COPZ2: variants seen among roughly 807,000 people sequenced by gnomAD.
COPZ2 encodes the protein coatomer subunit zeta-2.
In COPZ2, 30 loss-of-function variants were observed where a neutral mutation model predicts 33.2. The observed-to-expected ratio is 0.90, with a 90% CI of 0.68 to 1.23. The LOEUF is 1.23. Ranked by LOEUF, COPZ2 falls within the 50% of genes most tolerant of loss-of-function variation. The probability of loss-of-function intolerance (pLI) is 0.00; values close to 1 mark genes in which losing one functional copy is unlikely to be tolerated. For missense variants in COPZ2, 263 were observed against 262.4 expected, an observed-to-expected ratio of 1.00 and a Z score of -0.02; for synonymous variants, 89 against 102.6, an observed-to-expected ratio of 0.87 and a Z score of 0.80.
chr17:48,043,104 A>G, the COPZ2 span, among the ~76,000 whole-genome samples: 1 of 152,218 alleles, frequency 6.6e-6, no homozygotes, highest in Non-Finnish European at 1.5e-5. Context: ...CAGCTCGAGG[A>G]AGCCAAGTTG....
intron 8 of COPZ2, among the ~76,000 whole-genome samples, chr17:48,026,985 T>G (rs1408628553): frequency 6.6e-6 from 1 of 152,244 alleles, no homozygotes; most frequent in Non-Finnish European, 1.5e-5. Context: ...AGCCCAGTGC[T>G]TACACAAATC....
chr17:48,045,358 T>G, the COPZ2 span: 1 of 152,124 alleles, frequency 6.6e-6, no homozygotes, highest in Non-Finnish European at 1.5e-5. Context: ...CCAGAAGAAA[T>G]CAGAGCCCCA....
chr17:48,030,164 A>G (rs1174777709), intron 6 of COPZ2, among the ~76,000 whole-genome samples: 1 of 147,446 alleles, frequency 6.8e-6, no homozygotes, highest in Non-Finnish European at 1.5e-5. Context: ...GCGCACGCCT[A>G]TAATCCCAGC....
the COPZ2 span, chr17:48,046,913 G>A: frequency 6.6e-6 from 1 of 152,146 alleles, no homozygotes; most frequent in African/African-American, 2.4e-5. Context: ...TGGGAGACAC[G>A]CGTCAGTAGT....
chr17:48,046,372 C>T, the COPZ2 span: 3 of 152,254 alleles, frequency 2.0e-5, no homozygotes, highest in Non-Finnish European at 1.5e-5. Context: ...CATCATAGCT[C>T]ACTGCAGCCT....
intron 8 of COPZ2, among the ~76,000 whole-genome samples, chr17:48,027,992 G>A (rs2036840504): frequency 6.6e-6 from 1 of 152,200 alleles, no homozygotes; most frequent in African/African-American, 2.4e-5. Context: ...AGTGATGAGT[G>A]GGGAAAGTCA....
chr17:48,027,226 T>C (rs762367169), intron 8 of COPZ2, among the ~76,000 whole-genome samples: 7 of 152,242 alleles, frequency 4.6e-5, no homozygotes, highest in Non-Finnish European at 7.3e-5. Flanking sequence ...TTATCCCCCA[T>C]TGGCTACCTG....
Position 48,032,154 on chromosome 17 carries a change from A to G in COPZ2, c.494+2T>C. 6.2e-7 allele frequency: 1 copy of G among 1,611,466 alleles called. No individual in the cohort carries two copies. Among genetic ancestry groups the G allele is most frequent in the Non-Finnish European group, 8.5e-7 (1 of 1,178,898 alleles). On this transcript the variant is annotated splice_donor_variant, in intron 6 of 8. Transcript: ENST00000621465. LOFTEE classifies it high-confidence loss of function. ...GAGTGTCCCTGACTGTCCCCTCCTC[A>G]CCCGCCATCCACAATCTCGTCCAGC...
chr17:48,037,686 C>T lies in COPZ2; in HGVS notation c.92G>A (p.Gly31Glu), dbSNP rs1448493145. 3.6e-6 allele frequency: 4 copies of T among 1,102,234 alleles called. No individual in the cohort carries two copies. The highest frequency in any genetic ancestry group is 3.9e-4 in the Middle Eastern group (1 of 2,578). The allele number at this position is 1,102,234 out of a possible 1,614,324, so 68.3% of individuals were successfully genotyped here. The part of the protein sequence containing the change: ...AGGPAPPARA[G>E]EPSGLRLQEP... ...CCGTACCCGCAGCCCCGAGGGCTCC[C>T]CGGCTCGAGCAGGCGGCGCCGGGCC... The change falls in exon 1 of 9, where the codon GGG becomes GAG. Residue 31 changes from glycine (G) to glutamate (E), a missense_variant. Coordinates refer to ENST00000621465, the MANE Select transcript of COPZ2 (RefSeq NM_016429.4). This position sits in a 1 kb window ranked among gnomAD's most constrained non-coding sequence, Gnocchi z 5.6.
chr17:48,026,900 C>T (rs1161298896), intron 8 of COPZ2, among the ~76,000 whole-genome samples: 1 of 152,262 alleles, frequency 6.6e-6, no homozygotes, highest in Non-Finnish European at 1.5e-5. Context: ...CCCACCGCAA[C>T]CCACTGCTGA....
chr17:48,044,247 T>C, the COPZ2 span, among the ~76,000 whole-genome samples: 352 of 152,128 alleles, frequency 2.3e-3, 1 homozygote, highest in Non-Finnish European at 3.7e-3. Context: ...CTCAGGAGGC[T>C]GAAGCAGGAG....
upstream of COPZ2, among the ~76,000 whole-genome samples, chr17:48,038,257 C>G (rs2037023953): frequency 1.3e-5 from 2 of 152,154 alleles, no homozygotes; most frequent in Non-Finnish European, 2.9e-5. Context: ...GGGGACACCC[C>G]TCTGTGAAGA....
chr17:48,033,997 T>C, intron 2 of COPZ2, 53 bp from the exon 3 acceptor site: 3 of 1,308,200 alleles, frequency 2.3e-6, no homozygotes, highest in Non-Finnish European at 3.3e-6. Context: ...GCCTGGATCC[T>C]CCCTAGATTG....
At position 48,037,607 on chromosome 17, in the gene COPZ2, C is replaced by G; in HGVS notation, c.111+60G>C. The G allele has an allele frequency of 9.5e-7, 1 of 1,052,362 alleles. No homozygotes were observed. The highest frequency in any genetic ancestry group is 1.7e-5 in the African/African-American group (1 of 58,586). 65.2% of individuals were successfully genotyped at this position (1,052,362 alleles called of 1,614,324 possible). ...TTCTGAGTTGGCTGCTCCCCCTAACCCTGCTCTGTCCCTGCCCAGCTCCCG... is the reference window on the plus strand; with the variant it reads ...TTCTGAGTTGGCTGCTCCCCCTAACGCTGCTCTGTCCCTGCCCAGCTCCCG... On this transcript the variant is annotated intron_variant, in intron 1 of 8. Coordinates refer to ENST00000621465, the MANE Select transcript of COPZ2 (RefSeq NM_016429.4). This position sits in a 1 kb window ranked among gnomAD's most constrained non-coding sequence, Gnocchi z 5.6.
chr17:48,042,142 C>CT (rs1389788842), upstream of COPZ2, among the ~76,000 whole-genome samples: 5 of 151,272 alleles, frequency 3.3e-5, no homozygotes, highest in South Asian at 2.1e-4. Context: ...TTCTTTTTTT[C>CT]TTTTTTTTGA....
chr17:48,032,894 A>G (rs556904705), intron 4 of COPZ2, 153 bp from the exon 5 acceptor site: 1 of 651,348 alleles, frequency 1.5e-6, no homozygotes, highest in African/African-American at 1.8e-5. Flanking sequence ...GGGAACTTCC[A>G]TGTGTCTGGG....
intron 6 of COPZ2, chr17:48,031,532 C>T (rs1425870085): frequency 1.3e-5 from 2 of 152,026 alleles, no homozygotes; most frequent in Non-Finnish European, 2.9e-5. Flanking sequence ...AATATTGATC[C>T]CCTGATGGAA....
chr17:48,028,405 C>G lies in COPZ2; in HGVS notation c.585+67G>C. The stretch of plus-strand genomic sequence containing the variant: ...CTTCACTGGGTCCCCCTAGGATGCT[C>G]TAGGATGCTCTGCTCCCCGTATCTC... On this transcript the variant is annotated intron_variant, in intron 8 of 8. Transcript: ENST00000621465. The surrounding 1 kb of genome is among the most constrained non-coding windows in gnomAD (Gnocchi z 4.5). 2 of 1,515,206 alleles carry G rather than the reference C, an allele frequency of 1.3e-6. No individual in the cohort carries two copies. Among genetic ancestry groups the G allele is most frequent in the Non-Finnish European group, 1.8e-6 (2 of 1,115,406 alleles). 93.9% of individuals were successfully genotyped at this position (1,515,206 alleles called of 1,614,324 possible).
intron 4 of COPZ2, chr17:48,032,958 A>G: frequency 1.7e-6 from 1 of 596,584 alleles, no homozygotes; most frequent in South Asian, 2.0e-5. Context: ...TTCTCTAGTT[A>G]TGTTTAAGAA....
Sources: allele counts gnomAD v4.1 joint callset (sites outside exome capture counted in the v4.1 genomes callset), GRCh38; gene constraint gnomAD v4.1.1; non-coding constraint Gnocchi (gnomAD v3.1); transcripts MANE v1.5; gene names NCBI Gene and HGNC (gene_info 2026-07-23, HGNC 2026-07-21).